Variants in PRKDC observed in about 807,000 individuals in gnomAD.
PRKDC encodes protein kinase, DNA-activated, catalytic subunit.
PRKDC carries 82 observed loss-of-function variants against 486.9 expected under a neutral mutation model. The ratio of observed to expected loss-of-function variants is 0.17; its 90% CI spans 0.14 to 0.20. The LOEUF is 0.20. PRKDC is among the 10% of genes least tolerant of loss of function. The pLI is 1.00. For synonymous variants in PRKDC, 1,895 were observed against 1,837.0 expected, an observed-to-expected ratio of 1.03 and a Z score of -0.81; for missense variants, 4,504 against 5,038.2, an observed-to-expected ratio of 0.89 and a Z score of 3.21.
rs906171963 is a variant in PRKDC, at chr8:47,881,933, G to T, written c.4941C>A (p.Ala1647=). ...ATACCTGTAAAATTTTTGCCAGTAAGGCCAGCACTGCCATTTTAGTTTCGA... is the reference window on the plus strand; with the variant it reads ...ATACCTGTAAAATTTTTGCCAGTAATGCCAGCACTGCCATTTTAGTTTCGA... ...SPLETKMAVL[A]LLAKILQIDS... The change falls in exon 37 of 86, where the codon GCC becomes GCA. Residue 1647 remains alanine, a synonymous_variant. Coordinates refer to ENST00000314191, the MANE Select transcript of PRKDC (RefSeq NM_006904.7). The T allele has an allele frequency of 1.2e-6, 2 of 1,612,302 alleles. No individual in the cohort carries two copies. The highest frequency in any genetic ancestry group is 1.7e-6 in the Non-Finnish European group (2 of 1,178,840).
chr8:47,882,158 A>G, intron 36 of PRKDC, 61 bp from the exon 37 acceptor site: 2 of 1,460,880 alleles, frequency 1.4e-6, no homozygotes, highest in Non-Finnish European at 1.9e-6. Flanking sequence ...CAGAAAACAA[A>G]ATTTACCTTT....
At position 47,943,996 on chromosome 8, in the gene PRKDC, ACAAAATTAAAAATC is replaced by A; in HGVS notation, c.741_754del (p.Glu247AspfsTer10). 6.4e-7 allele frequency: 1 copy of A among 1,565,122 alleles called. No homozygotes were observed. Among genetic ancestry groups the A allele is most frequent in the African/African-American group, 1.4e-5 (1 of 73,468 alleles). ...TACCTGAGGACGAATTGCCTTTAGTACAAAATTAAAAATCTCCCTTGAAGTCTGGGGATCTAGGG... is the reference window on the plus strand; with the variant it reads ...TACCTGAGGACGAATTGCCTTTAGTATCCCTTGAAGTCTGGGGATCTAGGG... On this transcript the variant is annotated frameshift_variant, in exon 8 of 86. Coordinates refer to ENST00000314191, the MANE Select transcript of PRKDC (RefSeq NM_006904.7). LOFTEE classifies it high-confidence loss of function.
intron 36 of PRKDC, among the ~76,000 whole-genome samples, chr8:47,882,757 T>A (rs1461628131): frequency 6.6e-6 from 1 of 152,268 alleles, no homozygotes; most frequent in Non-Finnish European, 1.5e-5. Flanking sequence ...TCATTCTGAC[T>A]ATGCAAACAT....
rs1156681659 is a variant in PRKDC at position 47,773,373 on chromosome 8, T to C, written c.*800A>G. On this transcript the variant is annotated 3_prime_UTR_variant, in exon 86 of 86. Coordinates refer to ENST00000314191, the MANE Select transcript of PRKDC (RefSeq NM_006904.7). ...ATGAGGAATTCATTTCAAATAGGAA[T>C]TTCTTTTATTCTCCTGGAACTGAAA... The C allele has an allele frequency of 9.2e-6, 2 of 217,028 alleles. No homozygotes were observed. The highest frequency in any genetic ancestry group is 1.9e-5 in the Non-Finnish European group (2 of 107,526). 13.4% of individuals were successfully genotyped at this position (217,028 alleles called of 1,614,324 possible).
rs2086561746 is a variant in PRKDC, at chr8:47,773,945, T to C, written c.*228A>G. ...CTTTGGTAAGCCTGGATATCTATCT[T>C]TCTATAAACCTCACCTAATCTTTGA... On this transcript the variant is annotated 3_prime_UTR_variant, in exon 86 of 86. Coordinates refer to ENST00000314191, the MANE Select transcript of PRKDC (RefSeq NM_006904.7). 4.4e-6 allele frequency: 2 copies of C among 452,292 alleles called. No individual in the cohort carries two copies. Among genetic ancestry groups the C allele is most frequent in the Non-Finnish European group, 7.8e-6 (2 of 257,678 alleles). 28.0% of individuals were successfully genotyped at this position (452,292 alleles called of 1,614,324 possible). A position where few individuals can be genotyped will look rare whatever the true frequency, so the allele number is the denominator to read the frequency against.
At chr8:47,888,009 C>T (rs1295765419) in intron 34 of PRKDC, among the ~76,000 whole-genome samples, 1 of 152,122 alleles carries the variant, frequency 6.6e-6, no homozygotes, top group East Asian at 1.9e-4. Context: ...GTCCGCGGCA[C>T]CCACTCCTGG....
chr8:47,852,165 T>A (rs555043627), intron 52 of PRKDC, among the ~76,000 whole-genome samples: 3 of 152,282 alleles, frequency 2.0e-5, no homozygotes, highest in Admixed American at 6.5e-5. Flanking sequence ...CATTCAGTCC[T>A]CTTATCTGAA....
rs376002667 is a variant in PRKDC at position 47,831,809 on chromosome 8, C to T, written c.8265+5G>A. 110 of 1,613,188 alleles carry T rather than the reference C, an allele frequency of 6.8e-5. No individual in the cohort carries two copies. The highest frequency in any genetic ancestry group is 9.0e-5 in the Non-Finnish European group (106 of 1,179,272). ...TTCTGATCAAATTCTTGACAAGATA[C>T]AAACCTTCTCTCGTTTTTGCTCAGC... is the stretch of plus-strand genomic sequence containing the variant. On this transcript the variant is annotated splice_donor_5th_base_variant and intron_variant, in intron 60 of 85. Transcript: ENST00000314191.
chr8:47,915,818 G>GAA (rs2089974171), intron 22 of PRKDC, among the ~76,000 whole-genome samples: 1 of 152,230 alleles, frequency 6.6e-6, no homozygotes, highest in African/African-American at 2.4e-5. Context: ...ATTGCAGTTG[G>GAA]AAAACCAGGC....
intron 69 of PRKDC, 83 bp from the exon 70 acceptor site, chr8:47,803,563 T>C (rs1372730163): frequency 3.2e-6 from 4 of 1,267,432 alleles, no homozygotes; most frequent in Non-Finnish European, 4.6e-6. Context: ...CTTCCCCCTT[T>C]GCACGACACA....
At chr8:47,841,981 C>T (rs1297481545) in intron 54 of PRKDC, among the ~76,000 whole-genome samples, 1 of 152,344 alleles carries the variant, frequency 6.6e-6, no homozygotes, top group African/African-American at 2.4e-5. Context: ...CAACATCACC[C>T]TGCCCTGAGA....
Position 47,857,234 on chromosome 8 carries a change from A to G in PRKDC, c.6531T>C (p.Asn2177=), listed in dbSNP as rs1589746372. 8 of 1,614,022 alleles carry G rather than the reference A, an allele frequency of 5.0e-6. No homozygotes were observed. The highest frequency in any genetic ancestry group is 4.5e-5 in the East Asian group (2 of 44,882). ...CCATGTAGTGAATTCCTTCTCCTCC[A>G]TTGTTTTCAGAAGCAGCCAGCTGCA... ...PLLQLAASEN[N]GGEGIHYMVV... The change falls in exon 49 of 86, where the codon AAT becomes AAC. Residue 2177 remains asparagine, a synonymous_variant. Coordinates refer to ENST00000314191, the MANE Select transcript of PRKDC (RefSeq NM_006904.7).
In PRKDC at chr8:47,789,213, C is replaced by T; in HGVS notation, c.10696G>A (p.Gly3566Arg). The T allele has an allele frequency of 1.3e-6, 2 of 1,595,958 alleles. No homozygotes were observed. The highest frequency in any genetic ancestry group is 1.7e-6 in the Non-Finnish European group (2 of 1,173,332). ...ARIKSKLDQG[G>R]VIQDFINALD... ...GCATTAATAAAATCTTGAATCACTC[C>T]TCCTTGATCCAACTTACTTTTAATC... Residue 3566 changes from glycine (G) to arginine (R), a missense_variant, in exon 75 of 86, where the codon GGA becomes AGA. Physicochemically the swap from Gly to Arg is moderately radical, Grantham distance 125. Around this residue, in one of 6 missense-constraint regions of PRKDC, gnomAD observed 706 missense variants for 945.0 expected, o/e 0.75. Transcript: ENST00000314191.
At chr8:47,824,402 G>C (rs1302404571) in intron 63 of PRKDC, among the ~76,000 whole-genome samples, 2 of 149,838 alleles carry the variant, frequency 1.3e-5, no homozygotes, top group Non-Finnish European at 3.0e-5. Context: ...GAACCCAGGA[G>C]GTGGAGGTTG....
At chr8:47,794,530 G>A (rs2086942989) in intron 73 of PRKDC, 29 bp from the exon 74 acceptor site, 4 of 1,500,632 alleles carry the variant, frequency 2.7e-6, no homozygotes, top group African/African-American at 1.4e-5. Context: ...ACTTAATGCT[G>A]AGTAAAACAT....
At chr8:47,927,632 T>C (rs924820207) in intron 20 of PRKDC, 139 bp downstream of exon 20, 13 of 1,149,564 alleles carry the variant, frequency 1.1e-5, no homozygotes, top group Middle Eastern at 2.5e-4. Context: ...AGCCAGTAAG[T>C]GGCAGAAGCA....
chr8:47,892,985 G>A (rs1458125497), intron 31 of PRKDC, among the ~76,000 whole-genome samples, 154 bp downstream of exon 31: 2 of 152,198 alleles, frequency 1.3e-5, no homozygotes, highest in African/African-American at 2.4e-5. Flanking sequence ...GAAGTGTGAA[G>A]AATGGAACCC....
intron 21 of PRKDC, among the ~76,000 whole-genome samples, chr8:47,924,148 C>T (rs554456441): frequency 1.1e-3 from 173 of 152,310 alleles, no homozygotes; most frequent in Admixed American, 2.1e-3. Flanking sequence ...TTTCCCCCAT[C>T]ATGCTTTGAA....
At chr8:47,921,783 T>C (rs1444235586) in intron 21 of PRKDC, among the ~76,000 whole-genome samples, 2 of 152,204 alleles carry the variant, frequency 1.3e-5, no homozygotes, top group African/African-American at 4.8e-5. Flanking sequence ...ATTGCATGCA[T>C]GCTTTTGATT....
Sources: gnomAD v4.1 joint callset for allele counts (sites outside exome capture counted in the v4.1 genomes callset) on GRCh38, gnomAD v4.1.1 for gene constraint, gnomAD v4.1.1 regional missense constraint, MANE v1.5 for transcripts, NCBI Gene and HGNC (gene_info 2026-07-23, HGNC 2026-07-21) for gene names.